The following CSMD1 variants were observed in gnomAD, a reference collection of about 807,000 sequenced individuals.
The protein encoded by CSMD1 is CUB and Sushi multiple domains 1.
A neutral mutation model predicts 417.5 loss-of-function variants in CSMD1; 213 were observed. The observed-to-expected ratio is 0.51, with a 90% CI of 0.46 to 0.57. CSMD1 has a LOEUF of 0.57. Among genes scored for constraint, CSMD1 ranks in the 20% least tolerant of loss-of-function variants. The probability of loss-of-function intolerance (pLI) is 0.00; values close to 1 mark genes in which losing one functional copy is unlikely to be tolerated. For synonymous variants in CSMD1, 2,862 were observed against 1,736.8 expected, an observed-to-expected ratio of 1.65 and a Z score of -16.11; for missense variants, 6,923 against 4,529.7, an observed-to-expected ratio of 1.53 and a Z score of -15.17.
At chr8:4,169,450 T>C (rs1797641877) in intron 3 of CSMD1, among the ~76,000 whole-genome samples, 2 of 152,152 alleles carry the variant, frequency 1.3e-5, no homozygotes. Flanking sequence ...CAGCTAGTTT[T>C]CTTCAACATA....
chr8:4,298,402 C>T lies in CSMD1; in HGVS notation c.415+121551G>A, dbSNP rs115774811. On this transcript the variant is annotated intron_variant, in intron 3 of 69. Transcript: ENST00000635120. Reference sequence around the variant, plus strand: ...TGTATTTGCTTTGAATCCAAGAATACCATACTAGACACTAGACTGTTATAC... The same window carrying T: ...TGTATTTGCTTTGAATCCAAGAATATCATACTAGACACTAGACTGTTATAC... Among the ~76,000 whole-genome samples, 1,227 of 152,164 alleles carry T rather than the reference C, an allele frequency of 8.1e-3. 13 individuals are homozygous for T. The highest frequency in any genetic ancestry group is 0.029 in the African/African-American group (1,190 of 41,526).
chr8:3,384,678 TATAA>T (rs1226748396), intron 18 of CSMD1, among the ~76,000 whole-genome samples: 2 of 130,312 alleles, frequency 1.5e-5, no homozygotes, highest in African/African-American at 2.9e-5. Flanking sequence ...GCTATTTATA[TATAA>T]ATATATATTT....
chr8:3,081,185 G>A (rs74623211), intron 49 of CSMD1, among the ~76,000 whole-genome samples: 4 of 152,140 alleles, frequency 2.6e-5, no homozygotes, highest in African/African-American at 9.7e-5. Context: ...TGCCAGGTTT[G>A]ATCTTGCTCA....
intron 2 of CSMD1, among the ~76,000 whole-genome samples, chr8:4,551,786 C>T (rs1253384444): frequency 6.6e-6 from 1 of 152,088 alleles, no homozygotes; most frequent in African/African-American, 2.4e-5. Flanking sequence ...TGAAATGATC[C>T]TCCCACCTCA....
At chr8:3,247,722 A>T (rs561536387) in intron 26 of CSMD1, among the ~76,000 whole-genome samples, 1 of 152,232 alleles carries the variant, frequency 6.6e-6, no homozygotes, top group Non-Finnish European at 1.5e-5. Flanking sequence ...TGAGATTAAC[A>T]TGTGCAGGCA....
At chr8:4,372,104 G>A (rs1327518150) in intron 3 of CSMD1, among the ~76,000 whole-genome samples, 1 of 152,178 alleles carries the variant, frequency 6.6e-6, no homozygotes, top group East Asian at 1.9e-4. Context: ...CTATCTCAGT[G>A]CAAAGTCCAT....
chr8:4,341,368 C>G (rs190316607), intron 3 of CSMD1, among the ~76,000 whole-genome samples: 1 of 152,002 alleles, frequency 6.6e-6, no homozygotes, highest in Non-Finnish European at 1.5e-5. Context: ...TATTCACTAT[C>G]GCAGGAAATA....
chr8:3,949,220 C>A (rs150375093), intron 5 of CSMD1, among the ~76,000 whole-genome samples: 31 of 152,076 alleles, frequency 2.0e-4, no homozygotes, highest in Non-Finnish European at 2.8e-4. Flanking sequence ...CCCTTAAAAT[C>A]TTCTGTTAGC....
intron 3 of CSMD1, among the ~76,000 whole-genome samples, chr8:4,335,940 G>T (rs890219501): frequency 6.6e-6 from 1 of 152,088 alleles, no homozygotes; most frequent in African/African-American, 2.4e-5. Context: ...CATATTGGAG[G>T]ATAAGCACAG....
chr8:3,272,411 T>G (rs186696129), intron 26 of CSMD1, among the ~76,000 whole-genome samples: 1 of 151,106 alleles, frequency 6.6e-6, no homozygotes, highest in African/African-American at 2.4e-5. Context: ...CTTGGCAATG[T>G]GGGCTCCTTT....
At chr8:4,752,836 G>T (rs973541270) in intron 1 of CSMD1, among the ~76,000 whole-genome samples, 1 of 152,146 alleles carries the variant, frequency 6.6e-6, no homozygotes, top group Non-Finnish European at 1.5e-5. Flanking sequence ...CAAAGTTCCT[G>T]AAATAACAAG....
intron 5 of CSMD1, among the ~76,000 whole-genome samples, chr8:3,890,288 T>G (rs1464328899): frequency 6.6e-6 from 1 of 152,112 alleles, no homozygotes; most frequent in Non-Finnish European, 1.5e-5. Context: ...GGGTTTTGAT[T>G]TACTTGAAAA....
chr8:4,043,866 G>A (rs769746874), intron 3 of CSMD1, among the ~76,000 whole-genome samples: 1 of 152,254 alleles, frequency 6.6e-6, no homozygotes, highest in East Asian at 1.9e-4. Context: ...GAGACACAGA[G>A]AGGCTAAGGA....
In CSMD1 at chr8:4,390,413, C is replaced by T. The variant is rs187621378; in HGVS notation, c.415+29540G>A. ...CAATGTAACAGGAGAAATAAAACAT[C>T]GTATAGAGATATGATAAATGACATA... is the stretch of plus-strand genomic sequence containing the variant. On this transcript the variant is annotated intron_variant, in intron 3 of 69. Transcript: ENST00000635120. Among the ~76,000 whole-genome samples, 554 of 151,906 alleles carry T rather than the reference C, an allele frequency of 3.6e-3. 4 individuals are homozygous for T. Among genetic ancestry groups the T allele is most frequent in the Non-Finnish European group, 4.9e-3 (335 of 67,964 alleles).
intron 50 of CSMD1, among the ~76,000 whole-genome samples, chr8:3,035,100 G>T (rs1045998180): frequency 2.6e-5 from 4 of 152,062 alleles, no homozygotes; most frequent in African/African-American, 9.7e-5. Flanking sequence ...GTACCTCTGT[G>T]CTGACATTTT....
At chr8:4,050,058 T>C (rs1798343963) in intron 3 of CSMD1, among the ~76,000 whole-genome samples, 4 of 152,180 alleles carry the variant, frequency 2.6e-5, no homozygotes, top group Admixed American at 2.6e-4. Flanking sequence ...GTCCCTCCTG[T>C]GGAACTTGTC....
At chr8:4,790,366 A>G (rs898858701) in intron 1 of CSMD1, among the ~76,000 whole-genome samples, 2 of 152,224 alleles carry the variant, frequency 1.3e-5, no homozygotes, top group Non-Finnish European at 2.9e-5. Flanking sequence ...GCTCATGGAC[A>G]GGAAGAATCA....
intron 3 of CSMD1, among the ~76,000 whole-genome samples, chr8:4,183,051 C>T (rs758909156): frequency 6.6e-6 from 1 of 152,112 alleles, no homozygotes; most frequent in Non-Finnish European, 1.5e-5. Flanking sequence ...GTGTTATATG[C>T]ACAGATACCA....
chr8:3,558,422 G>A (rs796652544), intron 10 of CSMD1, among the ~76,000 whole-genome samples: 1,168 of 115,474 alleles, frequency 0.01, no homozygotes, highest in Middle Eastern at 0.02. Flanking sequence ...GTGCCTCAAT[G>A]GTACCCCGTG....
Sources: allele counts gnomAD v4.1 joint callset (sites outside exome capture counted in the v4.1 genomes callset), GRCh38; gene constraint gnomAD v4.1.1; transcripts MANE v1.5; gene names NCBI Gene and HGNC (gene_info 2026-07-23, HGNC 2026-07-21).